CPNE2: variants seen among roughly 807,000 people sequenced by gnomAD.
The protein encoded by CPNE2 is copine-2.
A neutral mutation model predicts 69.7 loss-of-function variants in CPNE2; 42 were observed. That is an observed-to-expected ratio of 0.60 (90% CI 0.47 to 0.78). CPNE2 has a LOEUF of 0.78. Among genes scored for constraint, CPNE2 ranks in the 30% least tolerant of loss-of-function variants. CPNE2 has a pLI of 0.00. For synonymous variants in CPNE2, 294 were observed against 289.8 expected (o/e 1.01, Z -0.15); for missense variants, 587 against 732.0 (o/e 0.80, Z 2.29).
At chr16:57,120,129 C>T (rs1284369320) in intron 7 of CPNE2, among the ~76,000 whole-genome samples, 17 of 151,906 alleles carry the variant, frequency 1.1e-4, no homozygotes, top group Non-Finnish European at 1.6e-4. Context: ...AAAAATTAGC[C>T]GAGCATGGCG....
intron 4 of CPNE2, among the ~76,000 whole-genome samples, chr16:57,117,251 T>C (rs570363569): frequency 6.6e-6 from 1 of 152,200 alleles, no homozygotes; most frequent in South Asian, 2.1e-4. Flanking sequence ...CACCACCCCA[T>C]GGGCCCTGCG....
intron 3 of CPNE2, among the ~76,000 whole-genome samples, chr16:57,114,575 GAGA>G (rs1368530195): frequency 6.6e-6 from 1 of 151,464 alleles, no homozygotes; most frequent in East Asian, 1.9e-4. Flanking sequence ...TGGATCTGCG[GAGA>G]AGAACTAGCC....
At chr16:57,094,216 T>C in intron 1 of CPNE2, 1 of 391,314 alleles carries the variant, frequency 2.6e-6, no homozygotes, top group South Asian at 1.8e-5. Flanking sequence ...TCACTTCCTG[T>C]CTGCGTGCCT....
intron 1 of CPNE2, among the ~76,000 whole-genome samples, chr16:57,096,521 G>C (rs536632512): frequency 6.6e-6 from 1 of 151,826 alleles, no homozygotes; most frequent in Non-Finnish European, 1.5e-5. Context: ...GCAAAAACCC[G>C]TCTTTACCAA....
At chr16:57,139,554 C>G (rs1420805121) in intron 14 of CPNE2, among the ~76,000 whole-genome samples, 5 of 152,214 alleles carry the variant, frequency 3.3e-5, no homozygotes, top group African/African-American at 1.2e-4. Context: ...GTTTCAGAGT[C>G]AAACCGTGAA....
chr16:57,127,481 T>A (rs959677879), intron 11 of CPNE2, among the ~76,000 whole-genome samples: 2 of 152,204 alleles, frequency 1.3e-5, no homozygotes, highest in African/African-American at 4.8e-5. Context: ...TCCCCAGCTA[T>A]GAGCAGGAGG....
intron 1 of CPNE2, chr16:57,094,083 T>C: frequency 2.2e-6 from 1 of 456,682 alleles, no homozygotes; most frequent in Non-Finnish European, 4.4e-6. Flanking sequence ...CCGCCTGGCA[T>C]AGGTCCAGGT....
chr16:57,100,656 T>C (rs1421714002), intron 1 of CPNE2, among the ~76,000 whole-genome samples: 4 of 152,258 alleles, frequency 2.6e-5, no homozygotes, highest in African/African-American at 9.6e-5. Flanking sequence ...TTTACTCACC[T>C]GGAGAATGGG....
chr16:57,103,114 ATT>A (rs1285124233), intron 1 of CPNE2, among the ~76,000 whole-genome samples: 2 of 151,440 alleles, frequency 1.3e-5, no homozygotes, highest in African/African-American at 4.9e-5. Flanking sequence ...AACAGAATCT[ATT>A]TTTTTCTTTC....
At chr16:57,123,134 TC>T (rs2069774987) in intron 9 of CPNE2, among the ~76,000 whole-genome samples, 1 of 152,160 alleles carries the variant, frequency 6.6e-6, no homozygotes, top group South Asian at 2.1e-4. Context: ...ACACTCTGTG[TC>T]AGGTAACTGA....
At chr16:57,119,060 G>T in intron 5 of CPNE2, 135 bp from the exon 6 acceptor site, 1 of 733,330 alleles carries the variant, frequency 1.4e-6, no homozygotes, top group East Asian at 2.6e-5. Flanking sequence ...AGAGTCTGAG[G>T]GGAGGGGGCC....
At chr16:57,117,435 C>G in intron 4 of CPNE2, 61 bp from the exon 5 acceptor site, 1 of 1,555,050 alleles carries the variant, frequency 6.4e-7, no homozygotes, top group Non-Finnish European at 8.8e-7. Context: ...GCACCCTGTG[C>G]CATCCTGCCT....
At chr16:57,122,260 G>C (rs527667340) in intron 9 of CPNE2, among the ~76,000 whole-genome samples, 2 of 152,220 alleles carry the variant, frequency 1.3e-5, no homozygotes, top group Non-Finnish European at 2.9e-5. Flanking sequence ...ATAACTGCTG[G>C]ATCTGGCAGA....
intron 1 of CPNE2, among the ~76,000 whole-genome samples, chr16:57,101,326 G>T (rs1429535043): frequency 6.6e-6 from 1 of 152,106 alleles, no homozygotes; most frequent in Non-Finnish European, 1.5e-5. Flanking sequence ...TATCTTCCTG[G>T]ATCTTCTCAT....
At chr16:57,143,338 G>C (rs917069089) in intron 14 of CPNE2, 69 of 152,356 alleles carry the variant, frequency 4.5e-4, no homozygotes, top group African/African-American at 1.5e-3. Flanking sequence ...TGGCACATAG[G>C]GGTGCGGGTT....
rs1464710368 is a variant in CPNE2 at position 57,117,483 on chromosome 16, C to T, written c.436-13C>T. ...GGGGAGTCTGAGGAGCCCCTCATGT[C>T]CCGGCCTTACAGATCGCTGCCCAGG... On this transcript the variant is annotated splice_polypyrimidine_tract_variant and intron_variant, in intron 4 of 15. Coordinates refer to ENST00000290776, the MANE Select transcript of CPNE2 (RefSeq NM_152727.6). The T allele has an allele frequency of 1.2e-6, 2 of 1,611,958 alleles. No homozygotes were observed. The highest frequency in any genetic ancestry group is 1.7e-5 in the Admixed American group (1 of 59,824).
intron 12 of CPNE2, among the ~76,000 whole-genome samples, chr16:57,134,173 G>C (rs1464714573): frequency 6.6e-6 from 1 of 152,194 alleles, no homozygotes; most frequent in Non-Finnish European, 1.5e-5. Context: ...TGGGTGCTGG[G>C]CCTGGAGGCA....
At chr16:57,119,506 C>T (rs2069745398) in intron 6 of CPNE2, 55 bp from the exon 7 acceptor site, 1 of 1,494,130 alleles carries the variant, frequency 6.7e-7, no homozygotes, top group East Asian at 2.3e-5. Flanking sequence ...CTGACCCAAC[C>T]CCAGAGCACT....
rs1282951401 is a variant in CPNE2 at position 57,146,553 on chromosome 16, C to A, written c.1539+232C>A. The A allele has an allele frequency of 1.9e-6, 1 of 534,934 alleles. No individual in the cohort carries two copies. Among genetic ancestry groups the A allele is most frequent in the Admixed American group, 3.4e-5 (1 of 29,846 alleles). The allele number at this position is 534,934 out of a possible 1,614,324, so 33.1% of individuals were successfully genotyped here. On this transcript the variant is annotated intron_variant, in intron 15 of 15. Transcript: ENST00000290776. The surrounding 1 kb of genome is among the most constrained non-coding windows in gnomAD (Gnocchi z 4.4). ...TTCCACAAACTGATGGAACATGGAGCCGTGGGCATCTAGCCTGAGGCTCTG... is the reference window on the plus strand; with the variant it reads ...TTCCACAAACTGATGGAACATGGAGACGTGGGCATCTAGCCTGAGGCTCTG...
Sources: allele counts gnomAD v4.1 joint callset (sites outside exome capture counted in the v4.1 genomes callset), GRCh38; gene constraint gnomAD v4.1.1; non-coding constraint Gnocchi (gnomAD v3.1); transcripts MANE v1.5; gene names NCBI Gene and HGNC (gene_info 2026-07-23, HGNC 2026-07-21).